PLAAT3: variants seen among roughly 807,000 people sequenced by gnomAD.
PLAAT3 encodes phospholipase A and acyltransferase 3.
PLAAT3 carries 21 observed loss-of-function variants against 16.7 expected under a neutral mutation model. The ratio of observed to expected loss-of-function variants is 1.26; its 90% CI spans 0.89 to 1.81. The LOEUF is 1.81. Among genes scored for constraint, PLAAT3 ranks in the 40% most tolerant of loss-of-function variants. PLAAT3 has a pLI of 0.00. For missense variants in PLAAT3, 219 were observed against 213.7 expected, an observed-to-expected ratio of 1.02 and a Z score of -0.16; for synonymous variants, 76 against 81.7, an observed-to-expected ratio of 0.93 and a Z score of 0.38.
In PLAAT3 at chr11:63,574,749, T is replaced by A; in HGVS notation, c.*196A>T. The A allele has an allele frequency of 1.7e-6, 1 of 581,554 alleles. No individual in the cohort carries two copies. The highest frequency in any genetic ancestry group is 3.1e-6 in the Non-Finnish European group (1 of 325,046). The allele number at this position is 581,554 out of a possible 1,614,324, so 36.0% of individuals were successfully genotyped here. The stretch of plus-strand genomic sequence containing the variant: ...CCAGGAAGACAGCCCGGCTGTTCCC[T>A]GAACAGACTTCACACCAGGCAGTTC... On this transcript the variant is annotated 3_prime_UTR_variant, in exon 5 of 5. Coordinates refer to ENST00000415826, the MANE Select transcript of PLAAT3 (RefSeq NM_001128203.2).
chr11:63,596,582 T>C (rs893932601), intron 3 of PLAAT3, among the ~76,000 whole-genome samples: 1 of 151,330 alleles, frequency 6.6e-6, no homozygotes, highest in Non-Finnish European at 1.5e-5. Context: ...AACTAGATGG[T>C]CCCTTCTGGG....
chr11:63,589,654 T>C (rs758114372), intron 4 of PLAAT3, among the ~76,000 whole-genome samples: 1 of 152,168 alleles, frequency 6.6e-6, no homozygotes, highest in Non-Finnish European at 1.5e-5. Context: ...ATCCCAACTC[T>C]GCTAATTATC....
chr11:63,595,596 G>A (rs1938269287), intron 3 of PLAAT3, among the ~76,000 whole-genome samples: 2 of 152,180 alleles, frequency 1.3e-5, no homozygotes, highest in African/African-American at 2.4e-5. Context: ...TTGCCTGGGC[G>A]AGGCGTGGGG....
At chr11:63,612,388 A>G (rs1361172702) in intron 2 of PLAAT3, among the ~76,000 whole-genome samples, 2 of 152,216 alleles carry the variant, frequency 1.3e-5, no homozygotes, top group Non-Finnish European at 2.9e-5. Flanking sequence ...TTTAGGCAGT[A>G]TTGCAATGTC....
chr11:63,609,253 G>A (rs1397192027), intron 2 of PLAAT3, among the ~76,000 whole-genome samples: 2 of 152,222 alleles, frequency 1.3e-5, no homozygotes, highest in Admixed American at 6.5e-5. Context: ...AAAGGCTAAA[G>A]TCCAAGGTGG....
upstream of PLAAT3, among the ~76,000 whole-genome samples, chr11:63,615,676 GTT>G (rs753670922): frequency 6.4e-5 from 9 of 141,094 alleles, no homozygotes; most frequent in Admixed American, 3.6e-4. Context: ...GGGGTTTTTT[GTT>G]TTTTTTTTTT....
chr11:63,579,945 C>G (rs541003920), intron 4 of PLAAT3, among the ~76,000 whole-genome samples: 8 of 151,090 alleles, frequency 5.3e-5, no homozygotes, highest in Non-Finnish European at 1.2e-4. Context: ...CATTTCCAAC[C>G]TAGAATTCTA....
intron 2 of PLAAT3, among the ~76,000 whole-genome samples, chr11:63,599,699 C>T (rs1316264944): frequency 1.3e-5 from 2 of 151,478 alleles, no homozygotes; most frequent in Non-Finnish European, 2.9e-5. Flanking sequence ...TTTATGAATC[C>T]CATTGTTTTC....
At chr11:63,591,179 T>G (rs776251234) in intron 3 of PLAAT3, among the ~76,000 whole-genome samples, 4 of 152,000 alleles carry the variant, frequency 2.6e-5, no homozygotes, top group Non-Finnish European at 5.9e-5. Flanking sequence ...CCCAGGAGTT[T>G]CAGACAAGCC....
chr11:63,583,745 C>G (rs1258601734), intron 4 of PLAAT3, among the ~76,000 whole-genome samples: 1 of 152,004 alleles, frequency 6.6e-6, no homozygotes, highest in Admixed American at 6.6e-5. Context: ...ATCAGGATAT[C>G]AGGATATTGT....
intron 4 of PLAAT3, among the ~76,000 whole-genome samples, chr11:63,582,017 C>T (rs896459907): frequency 7.9e-5 from 12 of 152,192 alleles, no homozygotes; most frequent in African/African-American, 2.9e-4. Flanking sequence ...GCCCACAGAA[C>T]TGTTGATAAT....
intron 4 of PLAAT3, among the ~76,000 whole-genome samples, chr11:63,584,333 A>G (rs1590684193): frequency 6.7e-6 from 1 of 149,664 alleles, no homozygotes; most frequent in East Asian, 2.0e-4. Flanking sequence ...AAGTTTCTTT[A>G]CAAAACCCTA....
intron 2 of PLAAT3, among the ~76,000 whole-genome samples, chr11:63,604,080 AG>A (rs1938498936): frequency 6.6e-6 from 1 of 152,200 alleles, no homozygotes; most frequent in African/African-American, 2.4e-5. Context: ...TGAACCTGGG[AG>A]GTGGAGGTTG....
At chr11:63,590,056 A>G in intron 4 of PLAAT3, 44 bp downstream of exon 4, 9 of 1,589,270 alleles carry the variant, frequency 5.7e-6, no homozygotes, top group Non-Finnish European at 6.9e-6. Context: ...CAGCAGAGGG[A>G]ATGGTCTGGT....
In PLAAT3 at chr11:63,598,127, G is replaced by T; in HGVS notation, c.52C>A (p.Arg18Ser). 6.2e-7 allele frequency: 1 copy of T among 1,614,010 alleles called. No individual in the cohort carries two copies. The highest frequency in any genetic ancestry group is 8.5e-7 in the Non-Finnish European group (1 of 1,179,878). ...ATGGCCCAGTGTCTGTAGAAAGGGC[G>T]AAAAATCTCAATCAGGTCTCCAGGC... is the stretch of plus-strand genomic sequence containing the variant. ...PKPGDLIEIF[R>S]PFYRHWAIYV... is the part of the protein sequence containing the mutation. Residue 18 changes from arginine (R) to serine (S), a missense_variant, in exon 3 of 5, where the codon CGC becomes AGC. Transcript: ENST00000415826.
At chr11:63,576,042 A>G (rs769017664) in intron 4 of PLAAT3, among the ~76,000 whole-genome samples, 16 of 152,190 alleles carry the variant, frequency 1.1e-4, no homozygotes, top group Non-Finnish European at 1.9e-4. Flanking sequence ...GAGATTGTAA[A>G]CATGCTAAAT....
At chr11:63,588,619 C>T (rs1290330804) in intron 4 of PLAAT3, among the ~76,000 whole-genome samples, 2 of 152,148 alleles carry the variant, frequency 1.3e-5, no homozygotes, top group Non-Finnish European at 2.9e-5. Flanking sequence ...CAACAGACTG[C>T]AATCTTCACA....
intron 3 of PLAAT3, among the ~76,000 whole-genome samples, chr11:63,595,016 C>T (rs1938251037): frequency 6.6e-6 from 1 of 152,002 alleles, no homozygotes; most frequent in South Asian, 2.1e-4. Context: ...AAGGGCCGTG[C>T]GCGGTGGCTC....
At chr11:63,609,481 A>T (rs1186282011) in intron 2 of PLAAT3, among the ~76,000 whole-genome samples, 1 of 152,252 alleles carries the variant, frequency 6.6e-6, no homozygotes, top group East Asian at 1.9e-4. Flanking sequence ...AACAGGGCTA[A>T]GACCCATCTG....
Sources: allele counts gnomAD v4.1 joint callset (sites outside exome capture counted in the v4.1 genomes callset), GRCh38; gene constraint gnomAD v4.1.1; transcripts MANE v1.5; gene names NCBI Gene and HGNC (gene_info 2026-07-23, HGNC 2026-07-21).